Variants in MGST1 observed in about 807,000 individuals in gnomAD.
MGST1 encodes microsomal glutathione S-transferase 1, also known as glutathione S-transferase 12.
MGST1 carries 5 observed loss-of-function variants against 8.9 expected under a neutral mutation model. The ratio of observed to expected loss-of-function variants is 0.56; its 90% CI spans 0.29 to 1.19. The LOEUF (loss-of-function observed/expected upper bound fraction) is 1.19, where lower values mean the gene tolerates loss of function less well. Ranked by LOEUF, MGST1 falls within the 50% of genes most tolerant of loss-of-function variation. The pLI, the probability that MGST1 is intolerant of heterozygous loss-of-function variation, is 0.08. For missense variants in MGST1, 182 were observed against 187.4 expected (o/e 0.97, Z 0.17); for synonymous variants, 54 against 67.8 (o/e 0.80, Z 1.00).
intron 4 of MGST1, among the ~76,000 whole-genome samples, chr12:16,588,833 C>T (rs1174863910): frequency 6.6e-6 from 1 of 152,058 alleles, no homozygotes; most frequent in Non-Finnish European, 1.5e-5. Flanking sequence ...ATCTTCTCCT[C>T]ATGTTTAATT....
chr12:16,550,687 GTATTTTTAA>G (rs1408980495), intron 4 of MGST1: 3 of 152,466 alleles, frequency 2.0e-5, no homozygotes, highest in Non-Finnish European at 4.4e-5. Flanking sequence ...TTATTTTTTA[GTATTTTTAA>G]TGTTGATAGA....
intron 4 of MGST1, among the ~76,000 whole-genome samples, chr12:16,451,071 C>T (rs907462442): frequency 6.6e-6 from 1 of 151,942 alleles, no homozygotes; most frequent in Non-Finnish European, 1.5e-5. Flanking sequence ...CTGAAATGCT[C>T]TGTAATTTGT....
At chr12:16,483,369 A>G (rs1488222505) in intron 4 of MGST1, among the ~76,000 whole-genome samples, 1 of 151,970 alleles carries the variant, frequency 6.6e-6, no homozygotes, top group Non-Finnish European at 1.5e-5. Context: ...TGTTAACTCT[A>G]AAAACATATA....
chr12:16,528,681 G>C (rs1941703976), intron 4 of MGST1, among the ~76,000 whole-genome samples: 1 of 152,010 alleles, frequency 6.6e-6, no homozygotes, highest in African/African-American at 2.4e-5. Flanking sequence ...TTTAGTGCTA[G>C]CACTACATTC....
intron 1 of MGST1, among the ~76,000 whole-genome samples, chr12:16,433,429 G>A (rs1467815400): frequency 6.6e-6 from 1 of 152,062 alleles, no homozygotes; most frequent in Non-Finnish European, 1.5e-5. Context: ...TCGGTTCAGA[G>A]ACCAGCAAGC....
intron 4 of MGST1, among the ~76,000 whole-genome samples, chr12:16,479,871 G>A (rs1159417401): frequency 6.6e-6 from 1 of 152,058 alleles, no homozygotes; most frequent in Non-Finnish European, 1.5e-5. Flanking sequence ...GCAAAACAGA[G>A]TGGAGGGTAC....
chr12:16,577,347 T>G (rs1565496739), intron 4 of MGST1, among the ~76,000 whole-genome samples: 1 of 152,220 alleles, frequency 6.6e-6, no homozygotes, highest in African/African-American at 2.4e-5. Context: ...AATTCTTCCA[T>G]GAAGGCCTCC....
intron 1 of MGST1, among the ~76,000 whole-genome samples, chr12:16,348,453 T>C (rs889102622): frequency 1.3e-5 from 2 of 152,200 alleles, no homozygotes; most frequent in African/African-American, 4.8e-5. Context: ...TATATTGCTC[T>C]AGCTGGCTTG....
chr12:16,574,920 G>A (rs1942943363), intron 4 of MGST1, among the ~76,000 whole-genome samples: 1 of 152,128 alleles, frequency 6.6e-6, no homozygotes, highest in Non-Finnish European at 1.5e-5. Context: ...GAGTCTATGT[G>A]TTCTGATACC....
At chr12:16,353,645 G>T (rs1209500428) in intron 1 of MGST1, among the ~76,000 whole-genome samples, 1 of 150,972 alleles carries the variant, frequency 6.6e-6, no homozygotes, top group African/African-American at 2.4e-5. Context: ...CTATGTTTAG[G>T]GCATTTTTGC....
Position 16,537,736 on chromosome 12 carries a change from C to T in MGST1, n.483-51792C>T, listed in dbSNP as rs1941764246. 6.6e-6 allele frequency among the ~76,000 whole-genome samples: 1 copy of T among 152,220 alleles called. No homozygotes were observed. Among genetic ancestry groups the T allele is most frequent in the Non-Finnish European group, 1.5e-5 (1 of 68,034 alleles). On this transcript the variant is annotated intron_variant and non_coding_transcript_variant, in intron 4 of 4. Transcript: ENST00000538857. The surrounding 1 kb of genome is among the most constrained non-coding windows in gnomAD (Gnocchi z 4.6). ...CATGAGCTGAGCTGTACCTTGGCCA[C>T]TTTTAACAACAGCTGGAGCAGCTGG...
Position 16,363,962 on chromosome 12 carries a change from G to C in MGST1, c.389G>C (p.Arg130Thr). 1 of 1,613,870 alleles carries C rather than the reference G, an allele frequency of 6.2e-7. No individual in the cohort carries two copies. Among genetic ancestry groups the C allele is most frequent in the Non-Finnish European group, 8.5e-7 (1 of 1,179,856 alleles). Residue 130 changes from arginine (R) to threonine (T), a missense_variant, in exon 4 of 4, where the codon AGA (arginine) becomes ACA (threonine). Transcript: ENST00000396210. This position sits in a 1 kb window ranked among gnomAD's most constrained non-coding sequence, Gnocchi z 4.6. ...TTGACACCCCTTCCCCAGCCAAATA[G>C]AGCTTTGAGTTTTTTTGTTGGATAT... ...AYLTPLPQPN[R>T]ALSFFVGYGV... is the part of the protein sequence containing the mutation.
chr12:16,382,738 G>C (rs566069085), upstream of MGST1: 2 of 153,298 alleles, frequency 1.3e-5, no homozygotes, highest in South Asian at 4.1e-4. Context: ...GCCCGCAGAA[G>C]TGGAGCCTAC....
At position 16,451,763 on chromosome 12, in the gene MGST1, A is replaced by T. The variant is rs907607946; in HGVS notation, n.482+68159A>T. On this transcript the variant is annotated intron_variant and non_coding_transcript_variant, in intron 4 of 4. Transcript: ENST00000538857. ...ACAATGATTCATGTAATATTATTGC[A>T]TATCTGACTTTGGCAGTTACCCATT... 2.0e-5 allele frequency among the ~76,000 whole-genome samples: 3 copies of T among 151,874 alleles called. No homozygotes were observed. The East Asian group carries it at 5.8e-4, about 29-fold the overall frequency.
In MGST1 at chr12:16,401,814, A is replaced by G; in HGVS notation, n.778+18210A>G. 3.1e-6 allele frequency: 5 copies of G among 1,604,400 alleles called. No individual in the cohort carries two copies. The highest frequency in any genetic ancestry group is 1.7e-5 in the Admixed American group (1 of 60,018). On this transcript the variant is annotated intron_variant and non_coding_transcript_variant, in intron 1 of 1. Coordinates refer to the MGST1 transcript ENST00000359720. This position sits in a 1 kb window ranked among gnomAD's most constrained non-coding sequence, Gnocchi z 4.3. The stretch of plus-strand genomic sequence containing the variant: ...TTTCTCATCTGCATCAACTATTTCC[A>G]TGACTCTTTCCTTGAAGAATTTGTT...
intron 4 of MGST1, among the ~76,000 whole-genome samples, chr12:16,578,052 G>A (rs1351132334): frequency 6.6e-6 from 1 of 152,080 alleles, no homozygotes. Flanking sequence ...TCCTCAGTAG[G>A]CAACAACTTT....
At chr12:16,384,198 A>C (rs1940484113) in intron 1 of MGST1, among the ~76,000 whole-genome samples, 1 of 152,152 alleles carries the variant, frequency 6.6e-6, no homozygotes, top group Admixed American at 6.5e-5. Context: ...CTATTGAAGG[A>C]TATGCCCCAT....
chr12:16,387,381 C>A (rs7977702), intron 1 of MGST1, among the ~76,000 whole-genome samples: 62,547 of 151,904 alleles, frequency 0.41, 13,613 homozygotes, highest in East Asian at 0.57. Flanking sequence ...TGCTGGTGCA[C>A]ACCAACCTAC....
At position 16,401,374 on chromosome 12, in the gene MGST1, A is replaced by T. The variant is rs1940654487; in HGVS notation, n.778+17770A>T. 1 of 1,152,788 alleles carries T rather than the reference A, an allele frequency of 8.7e-7. No individual in the cohort carries two copies. The highest frequency in any genetic ancestry group is 1.3e-6 in the Non-Finnish European group (1 of 764,854). The allele number at this position is 1,152,788 out of a possible 1,614,324, so 71.4% of individuals were successfully genotyped here. ...TTCATGGAATTCAATTCCCACCCCAAATCCTAGGTTTCTGGTAATTTTGTT... is the reference window on the plus strand; with the variant it reads ...TTCATGGAATTCAATTCCCACCCCATATCCTAGGTTTCTGGTAATTTTGTT... On this transcript the variant is annotated intron_variant and non_coding_transcript_variant, in intron 1 of 1. Coordinates refer to the MGST1 transcript ENST00000359720. The surrounding 1 kb of genome is among the most constrained non-coding windows in gnomAD (Gnocchi z 4.3).
Sources: allele counts gnomAD v4.1 joint callset (sites outside exome capture counted in the v4.1 genomes callset), GRCh38; gene constraint gnomAD v4.1.1; non-coding constraint Gnocchi (gnomAD v3.1); transcripts MANE v1.5; gene names NCBI Gene and HGNC (gene_info 2026-07-23, HGNC 2026-07-21).